Variants in NELL1 observed in about 807,000 individuals in gnomAD.
NELL1 encodes the protein protein kinase C-binding protein NELL1.
A neutral mutation model predicts 107.4 loss-of-function variants in NELL1; 76 were observed. That is an observed-to-expected ratio of 0.71 (90% confidence interval 0.59 to 0.86). NELL1 has a LOEUF of 0.86. NELL1 is among the 40% of genes least tolerant of loss of function. The pLI, the probability that NELL1 is intolerant of heterozygous loss-of-function variation, is 0.00. For missense variants in NELL1, 1,024 were observed against 1,005.5 expected, an observed-to-expected ratio of 1.02 and a Z score of -0.25; for synonymous variants, 353 against 341.2, an observed-to-expected ratio of 1.03 and a Z score of -0.38.
intron 14 of NELL1, among the ~76,000 whole-genome samples, chr11:21,336,805 G>T (rs1433106163): frequency 6.6e-6 from 1 of 151,470 alleles, no homozygotes; most frequent in Non-Finnish European, 1.5e-5. Context: ...AATTACTGAA[G>T]TTATTATATT....
intron 2 of NELL1, among the ~76,000 whole-genome samples, chr11:20,742,617 C>T (rs1855915442): frequency 6.6e-6 from 1 of 152,158 alleles, no homozygotes; most frequent in Admixed American, 6.6e-5. Context: ...TGACAGCAGG[C>T]AAGAGAGCGT....
intron 13 of NELL1, among the ~76,000 whole-genome samples, chr11:21,205,801 A>G (rs1344347698): frequency 6.6e-6 from 1 of 152,154 alleles, no homozygotes; most frequent in African/African-American, 2.4e-5. Flanking sequence ...CAGATGTGAG[A>G]AATGTACTGA....
At chr11:21,041,680 T>C (rs1332558635) in intron 12 of NELL1, among the ~76,000 whole-genome samples, 1 of 152,182 alleles carries the variant, frequency 6.6e-6, no homozygotes, top group African/African-American at 2.4e-5. Context: ...AAGTGGAAAA[T>C]GGACAAGAAA....
At chr11:21,481,150 G>C (rs1339569792) in intron 15 of NELL1, among the ~76,000 whole-genome samples, 1 of 152,184 alleles carries the variant, frequency 6.6e-6, no homozygotes, top group East Asian at 1.9e-4. Flanking sequence ...GTTTAATGCA[G>C]AATCAAACTG....
At chr11:21,004,739 C>A (rs1852293818) in intron 12 of NELL1, among the ~76,000 whole-genome samples, 1 of 151,836 alleles carries the variant, frequency 6.6e-6, no homozygotes. Flanking sequence ...CTAAAATGTC[C>A]CCTTTTAAAA....
At chr11:21,207,622 C>A (rs373945358) in intron 13 of NELL1, among the ~76,000 whole-genome samples, 11 of 152,284 alleles carry the variant, frequency 7.2e-5, no homozygotes, top group African/African-American at 2.6e-4. Context: ...TTCCTATGAA[C>A]ACTCATTATA....
At chr11:20,682,240 T>G (rs986413085) in intron 2 of NELL1, among the ~76,000 whole-genome samples, 3 of 152,000 alleles carry the variant, frequency 2.0e-5, no homozygotes, top group Non-Finnish European at 4.4e-5. Flanking sequence ...TATTGTGCGC[T>G]GCATCTTTAA....
intron 15 of NELL1, among the ~76,000 whole-genome samples, chr11:21,515,981 A>G (rs7104588): frequency 0.3 from 46,070 of 152,102 alleles, 7,064 homozygotes; most frequent in Middle Eastern, 0.35. Context: ...TCCTGGAGAC[A>G]TACTTGTTTC....
intron 13 of NELL1, among the ~76,000 whole-genome samples, chr11:21,147,804 C>T (rs1243615372): frequency 3.7e-5 from 5 of 133,352 alleles, no homozygotes; most frequent in African/African-American, 1.5e-4. Flanking sequence ...CCATTGCACC[C>T]CAGCCTGGGC....
At chr11:21,404,009 C>A (rs1399409211) in intron 15 of NELL1, among the ~76,000 whole-genome samples, 3 of 107,480 alleles carry the variant, frequency 2.8e-5, no homozygotes, top group African/African-American at 3.4e-5. Context: ...TCCTGAACCC[C>A]CCCCCCCGCA....
At chr11:21,060,025 T>C (rs1021076338) in intron 12 of NELL1, among the ~76,000 whole-genome samples, 2 of 152,200 alleles carry the variant, frequency 1.3e-5, no homozygotes, top group African/African-American at 4.8e-5. Context: ...CTAGCCATAG[T>C]AGCGTGCCTT....
intron 12 of NELL1, among the ~76,000 whole-genome samples, chr11:21,012,769 C>A (rs889335716): frequency 1.3e-5 from 2 of 151,954 alleles, no homozygotes; most frequent in Non-Finnish European, 2.9e-5. Context: ...GAGTCAGTTC[C>A]TGGGTAGGGG....
chr11:21,518,558 C>T lies in NELL1; in HGVS notation c.1646-15816C>T, dbSNP rs114347324. ...TCAAATTGTATTCCTCCTTTTAAGCCGGAAAATAAAGCATCATTCAGAATA... is the reference window on the plus strand; with the variant it reads ...TCAAATTGTATTCCTCCTTTTAAGCTGGAAAATAAAGCATCATTCAGAATA... On this transcript the variant is annotated intron_variant, in intron 15 of 19. Transcript: ENST00000357134. Among the ~76,000 whole-genome samples, 1,008 of 152,112 alleles carry T rather than the reference C, an allele frequency of 6.6e-3. 10 individuals are homozygous for T. Among genetic ancestry groups the T allele is most frequent in the African/African-American group, 0.023 (953 of 41,474 alleles).
rs547969853 is a variant in NELL1 at position 20,775,351 on chromosome 11, A to G, written c.185-8329A>G. ...TTCCTATGTTATTTCAATGCCTTTC[A>G]TATCATTATATTACAATATATAATT... On this transcript the variant is annotated intron_variant, in intron 2 of 19. Transcript: ENST00000357134. Among the ~76,000 whole-genome samples, 8 of 152,342 alleles carry G rather than the reference A, an allele frequency of 5.3e-5. No individual in the cohort carries two copies. The South Asian group carries it at 6.2e-4, about 12-fold the overall frequency.
At chr11:20,835,497 T>A (rs1320050167) in intron 3 of NELL1, among the ~76,000 whole-genome samples, 2 of 152,182 alleles carry the variant, frequency 1.3e-5, no homozygotes, top group Non-Finnish European at 2.9e-5. Context: ...TGGGAGAATA[T>A]GTATCAAATT....
chr11:21,384,820 A>C lies in NELL1; in HGVS notation c.1645+13872A>C, dbSNP rs529154099. Among the ~76,000 whole-genome samples the C allele has an allele frequency of 7.2e-3, 1,095 of 151,816 alleles. 17 individuals carry two copies. The highest frequency in any genetic ancestry group is 0.025 in the African/African-American group (1,022 of 41,386). ...CATAGTATTCCATGGTGTATATGTG[A>C]CACATTTTCTTAATCCAGTCTATCA... is the stretch of plus-strand genomic sequence containing the variant. On this transcript the variant is annotated intron_variant, in intron 15 of 19. Coordinates refer to ENST00000357134, the MANE Select transcript of NELL1 (RefSeq NM_006157.5).
chr11:20,961,195 G>A (rs1373852946), intron 12 of NELL1, among the ~76,000 whole-genome samples: 3 of 152,114 alleles, frequency 2.0e-5, no homozygotes, highest in Non-Finnish European at 4.4e-5. Flanking sequence ...TCTTAAGAGA[G>A]CACCGTTTTT....
chr11:21,041,349 A>G (rs10833435), intron 12 of NELL1, among the ~76,000 whole-genome samples: 100,184 of 152,064 alleles, frequency 0.66, 33,346 homozygotes, highest in East Asian at 0.77. Context: ...ATATAATATC[A>G]TGGCATTAAT....
chr11:20,923,464 C>A (rs1290517092), intron 7 of NELL1, among the ~76,000 whole-genome samples: 2 of 152,128 alleles, frequency 1.3e-5, no homozygotes, highest in Non-Finnish European at 2.9e-5. Flanking sequence ...AAGTAATAAA[C>A]CTTTTTTGTC....
Sources: gnomAD v4.1 joint callset for allele counts (sites outside exome capture counted in the v4.1 genomes callset) on GRCh38, gnomAD v4.1.1 for gene constraint, MANE v1.5 for transcripts, NCBI Gene and HGNC (gene_info 2026-07-23, HGNC 2026-07-21) for gene names.